The following SYCE2 variants were observed in gnomAD, a reference collection of about 807,000 sequenced individuals.
SYCE2 encodes the protein central element synaptonemal complex 1.
SYCE2 carries 3 observed loss-of-function variants against 27.9 expected under a neutral mutation model. The observed-to-expected ratio is 0.11, with a 90% CI of 0.05 to 0.28. SYCE2 has a LOEUF of 0.28. Ranked by LOEUF, SYCE2 falls within the 10% of genes least tolerant of loss-of-function variation. The pLI is 1.00. For synonymous variants in SYCE2, 85 were observed against 100.7 expected, an observed-to-expected ratio of 0.84 and a Z score of 0.93; for missense variants, 207 against 263.5, an observed-to-expected ratio of 0.79 and a Z score of 1.48.
chr19:12,910,990 T>A (rs543060311), intron 2 of SYCE2, among the ~76,000 whole-genome samples: 28 of 152,126 alleles, frequency 1.8e-4, no homozygotes, highest in Middle Eastern at 3.4e-3. Context: ...CCTTTTTTTT[T>A]CTTTTGAAGG....
chr19:12,910,402 ACAGGCTGGAGTGTCGCT>A (rs1272594444), intron 2 of SYCE2, among the ~76,000 whole-genome samples: 1 of 137,660 alleles, frequency 7.3e-6, no homozygotes, highest in Non-Finnish European at 1.5e-5. Context: ...GGCTGGAGTG[ACAGGCTGGAGTGTCGCT>A]CAGGCTGGAG....
intron 5 of SYCE2, 28 bp from the exon 6 acceptor site, chr19:12,899,413 AG>A (rs1970779094): frequency 2.5e-6 from 4 of 1,614,134 alleles, no homozygotes; most frequent in Non-Finnish European, 2.5e-6. Context: ...TTGATTTTAA[AG>A]GGAAGTTGTG....
At chr19:12,916,176 TCTC>T (rs1323521010) in intron 2 of SYCE2, among the ~76,000 whole-genome samples, 1 of 151,642 alleles carries the variant, frequency 6.6e-6, no homozygotes, top group Non-Finnish European at 1.5e-5. Flanking sequence ...TTCAAGCAAT[TCTC>T]CTGCCTCAGG....
chr19:12,918,516 A>T (rs923900305), intron 1 of SYCE2, among the ~76,000 whole-genome samples, 179 bp from the exon 2 acceptor site: 3 of 151,942 alleles, frequency 2.0e-5, no homozygotes, highest in Non-Finnish European at 4.4e-5. Context: ...GGGTGAAAGG[A>T]CACTCTGTCC....
intron 3 of SYCE2, among the ~76,000 whole-genome samples, chr19:12,902,973 G>C (rs1487672320): frequency 7.4e-6 from 1 of 135,476 alleles, no homozygotes; most frequent in Non-Finnish European, 1.6e-5. Context: ...TTTTTTTTTC[G>C]AGACAGCCAA....
chr19:12,912,618 C>T (rs985552657), intron 2 of SYCE2, among the ~76,000 whole-genome samples: 2 of 152,166 alleles, frequency 1.3e-5, no homozygotes, highest in African/African-American at 4.8e-5. Context: ...ATGCTCTCAA[C>T]AGTTTCAGAC....
At chr19:12,918,749 C>A (rs956684786) in intron 1 of SYCE2, among the ~76,000 whole-genome samples, 1 of 151,928 alleles carries the variant, frequency 6.6e-6, no homozygotes, top group East Asian at 1.9e-4. Context: ...GTCAGGAGTG[C>A]GAGAACAGCC....
rs1458657962 is a variant in SYCE2, at chr19:12,900,123, GT to G, written c.496-4del. On this transcript the variant is annotated splice_region_variant and splice_polypyrimidine_tract_variant and intron_variant, in intron 4 of 5. Coordinates refer to ENST00000293695, the MANE Select transcript of SYCE2 (RefSeq NM_001105578.2). Reference sequence around the variant, plus strand: ...CCCCATCTGAGTCTTAGGCTCTGCTGTAAAAAAGAAACCCAGGTTAGCAGTG... The same window carrying G: ...CCCCATCTGAGTCTTAGGCTCTGCTGAAAAAAGAAACCCAGGTTAGCAGTG... The G allele has an allele frequency of 1.0e-5, 16 of 1,599,898 alleles. No individual in the cohort carries two copies. Among genetic ancestry groups the G allele is most frequent in the Non-Finnish European group, 1.2e-5 (14 of 1,175,490 alleles).
intron 3 of SYCE2, among the ~76,000 whole-genome samples, chr19:12,902,708 G>A (rs1048874193): frequency 1.3e-5 from 2 of 151,976 alleles, no homozygotes; most frequent in Non-Finnish European, 2.9e-5. Flanking sequence ...CAAGCTACTC[G>A]AGAGGCTGAG....
chr19:12,914,932 GGAACCT>G (rs1971111742), intron 2 of SYCE2, among the ~76,000 whole-genome samples: 1 of 152,214 alleles, frequency 6.6e-6, no homozygotes, highest in Non-Finnish European at 1.5e-5. Flanking sequence ...TTTTATAACG[GGAACCT>G]GAGCATGTCA....
At chr19:12,910,598 C>G (rs1239668715) in intron 2 of SYCE2, among the ~76,000 whole-genome samples, 1 of 151,634 alleles carries the variant, frequency 6.6e-6, no homozygotes, top group Admixed American at 6.6e-5. Flanking sequence ...GTCTCAAACT[C>G]CTGACCTCAA....
At chr19:12,903,396 CTTT>C (rs1280694858) in intron 3 of SYCE2, among the ~76,000 whole-genome samples, 2 of 124,916 alleles carry the variant, frequency 1.6e-5, no homozygotes. Context: ...CGGCCCTCTT[CTTT>C]TTTTTTTTTT....
chr19:12,908,757 T>G lies in SYCE2; in HGVS notation c.132-4091A>C, dbSNP rs139247663. Among the ~76,000 whole-genome samples, 568 of 152,210 alleles carry G rather than the reference T, an allele frequency of 3.7e-3. 10 individuals are homozygous for G. The Middle Eastern group carries it at 0.044, about 12-fold the overall frequency. ...GGTTAGACCGATAGACATCTCAGAG[T>G]GACATGCTGACCTCTTGGCAGCAGC... On this transcript the variant is annotated intron_variant, in intron 2 of 5. Coordinates refer to ENST00000293695, the MANE Select transcript of SYCE2 (RefSeq NM_001105578.2).
intron 2 of SYCE2, among the ~76,000 whole-genome samples, chr19:12,905,292 C>G (rs753998103): frequency 6.6e-6 from 1 of 152,172 alleles, no homozygotes; most frequent in Non-Finnish European, 1.5e-5. Flanking sequence ...CACCAACTTG[C>G]TTCTTTGGAA....
chr19:12,918,897 G>C (rs1971188866), intron 1 of SYCE2, among the ~76,000 whole-genome samples: 1 of 151,334 alleles, frequency 6.6e-6, no homozygotes, highest in Non-Finnish European at 1.5e-5. Context: ...GTTGCAGTGA[G>C]CCGAGATCAC....
intron 4 of SYCE2, 126 bp downstream of exon 4, chr19:12,900,334 G>A (rs1426245146): frequency 1.7e-6 from 2 of 1,155,290 alleles, no homozygotes; most frequent in Non-Finnish European, 2.4e-6. Context: ...TGCACCAAGG[G>A]CTTTGCAGGG....
intron 2 of SYCE2, among the ~76,000 whole-genome samples, chr19:12,914,981 T>G (rs1163548305): frequency 6.6e-6 from 1 of 152,244 alleles, no homozygotes; most frequent in Admixed American, 6.5e-5. Context: ...CTCCTAGGTA[T>G]GAGTATGCCC....
intron 2 of SYCE2, among the ~76,000 whole-genome samples, chr19:12,905,782 C>A (rs978291430): frequency 1.3e-5 from 2 of 152,158 alleles, no homozygotes; most frequent in African/African-American, 4.8e-5. Flanking sequence ...GGACTACAAG[C>A]ATGTGCTACC....
Position 12,899,358 on chromosome 19 carries a change from T to C in SYCE2, c.640A>G (p.Arg214Gly), listed in dbSNP as rs1176921721. 2 of 1,613,952 alleles carry C rather than the reference T, an allele frequency of 1.2e-6. No homozygotes were observed. The highest frequency in any genetic ancestry group is 2.2e-5 in the East Asian group (1 of 44,898). Residue 214 changes from arginine to glycine, a missense_variant, in exon 6 of 6, where the codon AGA (arginine) becomes GGA (glycine). Transcript: ENST00000293695. Reference sequence around the variant, plus strand: ...GGCAGCTGTCAGCATTCACCATCTCTGTTGGTCTGTACTTCTGAAGCAGTG... The same window carrying C: ...GGCAGCTGTCAGCATTCACCATCTCCGTTGGTCTGTACTTCTGAAGCAGTG... ...QATASEVQTN[R>G]DGEC
Sources: allele counts gnomAD v4.1 joint callset (sites outside exome capture counted in the v4.1 genomes callset), GRCh38; gene constraint gnomAD v4.1.1; transcripts MANE v1.5; gene names NCBI Gene and HGNC (gene_info 2026-07-23, HGNC 2026-07-21).